ABRA: variants seen among roughly 807,000 people sequenced by gnomAD.
ABRA encodes actin-binding Rho-activating protein.
ABRA carries 25 observed loss-of-function variants against 33.4 expected under a neutral mutation model. That is an observed-to-expected ratio of 0.75 (90% CI 0.55 to 1.04). The LOEUF (loss-of-function observed/expected upper bound fraction) is 1.04. ABRA is among the 50% of genes least tolerant of loss of function. The pLI is 0.00. For synonymous variants in ABRA, 193 were observed against 176.8 expected (o/e 1.09, Z -0.73); for missense variants, 501 against 491.7 (o/e 1.02, Z -0.18).
chr8:106,761,300 T>C lies in ABRA; in HGVS notation c.883A>G (p.Thr295Ala). Reference protein sequence around the residue: ...GYGRPKEGTKTAERAKRAEEH... With the variant: ...GYGRPKEGTKAAERAKRAEEH... The stretch of plus-strand genomic sequence containing the variant: ...TCAGCACGCTTGGCCCTTTCAGCAG[T>C]TTTGGTTCCTTCTTTGGGGCGGCCA... Residue 295 changes from threonine (T) to alanine (A), a missense_variant, in exon 2 of 2, where the codon ACT becomes GCT. Transcript: ENST00000311955. 1 of 1,614,178 alleles carries C rather than the reference T, an allele frequency of 6.2e-7. No individual in the cohort carries two copies. Among genetic ancestry groups the C allele is most frequent in the Non-Finnish European group, 8.5e-7 (1 of 1,180,028 alleles).
chr8:106,767,408 T>C (rs902907390), intron 1 of ABRA, among the ~76,000 whole-genome samples: 1 of 152,238 alleles, frequency 6.6e-6, no homozygotes, highest in African/African-American at 2.4e-5. Flanking sequence ...GTTTGGAATA[T>C]GGTTCCTCAT....
Position 106,769,507 on chromosome 8 carries a change from G to C in ABRA, c.668+16C>G, listed in dbSNP as rs2131634037. 6.2e-7 allele frequency: 1 copy of C among 1,604,924 alleles called. No homozygotes were observed. Among genetic ancestry groups the C allele is most frequent in the South Asian group, 1.1e-5 (1 of 89,328 alleles). ...AGTGATCCTGACACAAGGAGTGGGA[G>C]AATGCATTCACTTACTGGGAGGGCA... On this transcript the variant is annotated intron_variant, in intron 1 of 1. Coordinates refer to ENST00000311955, the MANE Select transcript of ABRA (RefSeq NM_139166.5).
rs1167969928 is a variant in ABRA, at chr8:106,759,986, T to A, written c.*1051A>T. The A allele has an allele frequency of 6.6e-6, 1 of 152,244 alleles. No homozygotes were observed. Among genetic ancestry groups the A allele is most frequent in the African/African-American group, 2.4e-5 (1 of 41,474 alleles). The allele number at this position is 152,244 out of a possible 1,614,324, so 9.4% of individuals were successfully genotyped here. ...TCATAAAGTTTTCTTTGTTACAGTA[T>A]GAGGAACATTAAACTGTCTCAAATC... On this transcript the variant is annotated 3_prime_UTR_variant, in exon 2 of 2. Transcript: ENST00000311955.
At position 106,760,053 on chromosome 8, in the gene ABRA, C is replaced by T. The variant is rs1469514338; in HGVS notation, c.*984G>A. The T allele has an allele frequency of 6.6e-6, 1 of 152,184 alleles. No individual in the cohort carries two copies. The highest frequency in any genetic ancestry group is 2.4e-5 in the African/African-American group (1 of 41,446). The allele number at this position is 152,184 out of a possible 1,614,324, so 9.4% of individuals were successfully genotyped here. A position where few individuals can be genotyped will look rare whatever the true frequency, so the allele number is the denominator to read the frequency against. The stretch of plus-strand genomic sequence containing the variant: ...ATGATTCTATGGGATTTTTCTAATA[C>T]TGAACATTCCACTTCATAGATTTTC... On this transcript the variant is annotated 3_prime_UTR_variant, in exon 2 of 2. Coordinates refer to ENST00000311955, the MANE Select transcript of ABRA (RefSeq NM_139166.5).
chr8:106,763,352 C>A (rs189042919), intron 1 of ABRA, among the ~76,000 whole-genome samples: 259 of 152,324 alleles, frequency 1.7e-3, no homozygotes, highest in African/African-American at 5.7e-3. Context: ...TGTAACACCA[C>A]TATCCTTTAT....
At chr8:106,767,672 T>A (rs1054647930) in intron 1 of ABRA, among the ~76,000 whole-genome samples, 1 of 152,222 alleles carries the variant, frequency 6.6e-6, no homozygotes, top group Non-Finnish European at 1.5e-5. Flanking sequence ...CGACAAAGCA[T>A]TTAAACACCT....
Position 106,769,841 on chromosome 8 carries a change from G to C in ABRA, c.350C>G (p.Thr117Ser). 1.2e-6 allele frequency: 2 copies of C among 1,614,134 alleles called. No homozygotes were observed. The highest frequency in any genetic ancestry group is 1.7e-6 in the Non-Finnish European group (2 of 1,180,038). Reference sequence around the variant, plus strand: ...GCTCACGTCCCCTCCTCTCTCATAAGTCTTGCTGACCACCGTTTTGGACAC... The same window carrying C: ...GCTCACGTCCCCTCCTCTCTCATAACTCTTGCTGACCACCGTTTTGGACAC... Reference protein sequence around the residue: ...KEVSKTVVSKTYERGGDVSHL... With the variant: ...KEVSKTVVSKSYERGGDVSHL... Residue 117 changes from threonine to serine, a missense_variant, in exon 1 of 2, where the codon ACT becomes AGT. By Grantham distance (58) the Thr-to-Ser change is moderately conservative. Coordinates refer to ENST00000311955, the MANE Select transcript of ABRA (RefSeq NM_139166.5).
At position 106,759,727 on chromosome 8, in the gene ABRA, T is replaced by C. The variant is rs1836109384; in HGVS notation, c.*1310A>G. ...TCTTATAGCAGTCTAATACCTATTATTTTGAGGTATCATATTTAGACATTA... is the reference window on the plus strand; with the variant it reads ...TCTTATAGCAGTCTAATACCTATTACTTTGAGGTATCATATTTAGACATTA... On this transcript the variant is annotated 3_prime_UTR_variant, in exon 2 of 2. Transcript: ENST00000311955. The C allele has an allele frequency of 6.6e-6, 1 of 152,212 alleles. No homozygotes were observed. Among genetic ancestry groups the C allele is most frequent in the Admixed American group, 6.5e-5 (1 of 15,276 alleles). The allele number at this position is 152,212 out of a possible 1,614,324, so 9.4% of individuals were successfully genotyped here. A position where few individuals can be genotyped will look rare whatever the true frequency, so the allele number is the denominator to read the frequency against.
intron 1 of ABRA, among the ~76,000 whole-genome samples, chr8:106,768,928 G>C (rs143632231): frequency 6.6e-6 from 1 of 152,164 alleles, no homozygotes; most frequent in East Asian, 1.9e-4. Flanking sequence ...GAGCCACTGC[G>C]CCCAGCTGAT....
intron 1 of ABRA, among the ~76,000 whole-genome samples, chr8:106,767,403 G>C (rs1240138194): frequency 6.6e-6 from 1 of 152,154 alleles, no homozygotes; most frequent in Admixed American, 6.5e-5. Flanking sequence ...CCAGAGTTTG[G>C]AATATGGTTC....
chr8:106,769,395 C>T, intron 1 of ABRA, 128 bp downstream of exon 1: 1 of 1,307,152 alleles, frequency 7.7e-7, no homozygotes, highest in Non-Finnish European at 1.1e-6. Flanking sequence ...ACAGTACTCA[C>T]TGCCTGTCCA....
Position 106,761,086 on chromosome 8 carries a change from A to T in ABRA, c.1097T>A (p.Met366Lys), listed in dbSNP as rs779998671. Residue 366 changes from methionine to lysine, a missense_variant, in exon 2 of 2, where the codon ATG (methionine) becomes AAG (lysine). Met to Lys is a moderately conservative substitution (Grantham distance 95). Transcript: ENST00000311955. ...ATGGTCATCTCGGCCTTGCCATAGC[A>T]TCTCTCCTTCAAAGTCTACCAGTCC... ...KHGLVDFEGE[M>K]LWQGRDDHVV... The T allele has an allele frequency of 1.9e-6, 3 of 1,614,228 alleles. No individual in the cohort carries two copies. The highest frequency in any genetic ancestry group is 1.6e-4 in the Middle Eastern group (1 of 6,062).
At position 106,761,218 on chromosome 8, in the gene ABRA, C is replaced by G. The variant is rs759366681; in HGVS notation, c.965G>C (p.Arg322Pro). ...DMCFIICTMARHRRDGKIQVT... is the reference protein window; with the variant it reads ...DMCFIICTMAPHRRDGKIQVT... The stretch of plus-strand genomic sequence containing the variant: ...CTGGATCTTGCCATCTCGTCTGTGG[C>G]GAGCCATTGTGCAGATAATGAAGCA... Residue 322 changes from arginine (R) to proline (P), a missense_variant, in exon 2 of 2, where the codon CGC (arginine) becomes CCC (proline). Transcript: ENST00000311955. 3 of 1,614,196 alleles carry G rather than the reference C, an allele frequency of 1.9e-6. No individual in the cohort carries two copies. In the Middle Eastern group the frequency reaches 4.9e-4, roughly 266 times the overall value.
chr8:106,768,085 A>C (rs1391323582), intron 1 of ABRA, among the ~76,000 whole-genome samples: 1 of 147,228 alleles, frequency 6.8e-6, no homozygotes, highest in Non-Finnish European at 1.5e-5. Context: ...ACAGAGTGAG[A>C]CTTCATCTCA....
chr8:106,768,164 T>G (rs1277866143), intron 1 of ABRA, among the ~76,000 whole-genome samples: 1 of 152,168 alleles, frequency 6.6e-6, no homozygotes, highest in Admixed American at 6.5e-5. Context: ...TTCTTATTGT[T>G]TCATAAGACT....
chr8:106,759,560 A>G lies in ABRA; in HGVS notation c.*1477T>C, dbSNP rs1268901782. On this transcript the variant is annotated 3_prime_UTR_variant, in exon 2 of 2. Transcript: ENST00000311955. ...GGTTTCACTTGTAATAGAAGTGTGC[A>G]TCTTACATGAAATCCTACTTAGAAA... is the stretch of plus-strand genomic sequence containing the variant. The G allele has an allele frequency of 6.6e-6, 1 of 152,196 alleles. No individual in the cohort carries two copies. Among genetic ancestry groups the G allele is most frequent in the African/African-American group, 2.4e-5 (1 of 41,458 alleles). The allele number at this position is 152,196 out of a possible 1,614,324, so 9.4% of individuals were successfully genotyped here.
Position 106,759,982 on chromosome 8 carries a change from A to G in ABRA, c.*1055T>C, listed in dbSNP as rs148979592. 1.4e-3 allele frequency: 209 copies of G among 152,332 alleles called. No individual in the cohort carries two copies. Among genetic ancestry groups the G allele is most frequent in the African/African-American group, 4.9e-3 (205 of 41,580 alleles). The allele number at this position is 152,332 out of a possible 1,614,324, so 9.4% of individuals were successfully genotyped here. A position where few individuals can be genotyped will look rare whatever the true frequency, so the allele number is the denominator to read the frequency against. On this transcript the variant is annotated 3_prime_UTR_variant, in exon 2 of 2. Transcript: ENST00000311955. The stretch of plus-strand genomic sequence containing the variant: ...CATTTCATAAAGTTTTCTTTGTTAC[A>G]GTATGAGGAACATTAAACTGTCTCA...
chr8:106,763,926 T>TA (rs1836172204), intron 1 of ABRA, among the ~76,000 whole-genome samples: 1 of 152,206 alleles, frequency 6.6e-6, no homozygotes, highest in South Asian at 2.1e-4. Context: ...TTGTGATACT[T>TA]ACTGTGTGCC....
intron 1 of ABRA, among the ~76,000 whole-genome samples, chr8:106,764,222 C>T (rs1784478): frequency 0.87 from 132,149 of 152,206 alleles, 57,641 homozygotes; most frequent in East Asian, 0.95. Context: ...GTTTAAACTG[C>T]ACGTTATATG....
Sources: gnomAD v4.1 joint callset for allele counts (sites outside exome capture counted in the v4.1 genomes callset) on GRCh38, gnomAD v4.1.1 for gene constraint, MANE v1.5 for transcripts, NCBI Gene and HGNC (gene_info 2026-07-23, HGNC 2026-07-21) for gene names.